Variants in ANKRD28 observed in about 807,000 individuals in gnomAD.
ANKRD28 encodes serine/threonine-protein phosphatase 6 regulatory ankyrin repeat subunit A.
Under a neutral mutation model 126.5 loss-of-function variants are expected in ANKRD28, and 44 were observed. That is an observed-to-expected ratio of 0.35 (90% CI 0.27 to 0.45). The LOEUF is 0.45. Among genes scored for constraint, ANKRD28 ranks in the 20% least tolerant of loss-of-function variants. The pLI, the probability that ANKRD28 is intolerant of heterozygous loss-of-function variation, is 1.00. For synonymous variants in ANKRD28, 442 were observed against 468.5 expected, an observed-to-expected ratio of 0.94 and a Z score of 0.73; for missense variants, 1,110 against 1,316.6, an observed-to-expected ratio of 0.84 and a Z score of 2.43.
intron 6 of ANKRD28, among the ~76,000 whole-genome samples, chr3:15,733,914 T>TATA (rs2074833790): frequency 6.6e-6 from 1 of 152,262 alleles, no homozygotes; most frequent in Admixed American, 6.5e-5. Flanking sequence ...TATCTATAAC[T>TATA]GGTTTGAAAT....
At chr3:15,696,323 A>C in intron 14 of ANKRD28, 78 bp from the exon 15 acceptor site, 1 of 926,134 alleles carries the variant, frequency 1.1e-6, no homozygotes, top group South Asian at 1.7e-5. Flanking sequence ...CTGAAATTAA[A>C]AACTGACAAT....
At chr3:15,701,347 A>T (rs2070576675) in intron 14 of ANKRD28, among the ~76,000 whole-genome samples, 1 of 150,894 alleles carries the variant, frequency 6.6e-6, no homozygotes, top group African/African-American at 2.4e-5. Context: ...CAAGCATAAT[A>T]AAAAAAAGAA....
chr3:15,723,023 G>C (rs774171271), intron 7 of ANKRD28, among the ~76,000 whole-genome samples: 1 of 152,156 alleles, frequency 6.6e-6, no homozygotes, highest in Non-Finnish European at 1.5e-5. Context: ...TGAACAAATA[G>C]TCACCAGAGT....
At position 15,857,199 on chromosome 3, in the gene ANKRD28, A is replaced by G. The variant is rs567353324; in HGVS notation, c.27+2178T>C. Among the ~76,000 whole-genome samples the G allele has an allele frequency of 6.0e-4, 91 of 152,340 alleles. 2 individuals are homozygous for G. In the South Asian group the frequency reaches 0.017, roughly 29 times the overall value. On this transcript the variant is annotated intron_variant, in intron 1 of 27. Coordinates refer to the ANKRD28 transcript ENST00000399451. ...CAAACTTATTTCTCAAAGTCTTCCA[A>G]GAGAGACCAGATGAGCCAATTACTC...
chr3:15,775,521 A>G (rs1027813105), intron 2 of ANKRD28, among the ~76,000 whole-genome samples: 1 of 152,190 alleles, frequency 6.6e-6, no homozygotes, highest in Non-Finnish European at 1.5e-5. Context: ...GCCAGTCCCT[A>G]CTAGTAGGTT....
In ANKRD28 at chr3:15,857,485, A is replaced by G. The variant is rs565667593; in HGVS notation, c.27+1892T>C. On this transcript the variant is annotated intron_variant, in intron 1 of 27. Coordinates refer to the ANKRD28 transcript ENST00000399451. ...TTTTTAAGAGAAACGGGGTTTCACC[A>G]TGTTGGCCAGGCTGGTCTTGAACTC... 7.9e-5 allele frequency among the ~76,000 whole-genome samples: 12 copies of G among 152,304 alleles called. No homozygotes were observed. In the South Asian group the frequency reaches 2.5e-3, roughly 32 times the overall value.
chr3:15,774,984 C>G (rs958354438), intron 2 of ANKRD28, among the ~76,000 whole-genome samples: 1 of 115,896 alleles, frequency 8.6e-6, no homozygotes, highest in Non-Finnish European at 1.7e-5. Flanking sequence ...TCAAGCGATT[C>G]TCCTGCCTCA....
At chr3:15,690,320 T>C (rs1206828859) in intron 17 of ANKRD28, 100 bp from the exon 18 acceptor site, 2 of 997,760 alleles carry the variant, frequency 2.0e-6, no homozygotes, top group African/African-American at 3.3e-5. Context: ...TTCATATTAT[T>C]ATCCTACTTG....
intron 10 of ANKRD28, 139 bp from the exon 11 acceptor site, chr3:15,712,361 A>G (rs6771419): frequency 0.14 from 100,660 of 717,444 alleles, 12,269 homozygotes; most frequent in East Asian, 0.54. Context: ...TAATTTGGTT[A>G]AAGTTTGATG....
Position 15,839,821 on chromosome 3 carries a change from T to C in ANKRD28, c.27+19556A>G, listed in dbSNP as rs2061394856. On this transcript the variant is annotated intron_variant, in intron 1 of 27. Transcript: ENST00000399451. The surrounding 1 kb of genome is among the most constrained non-coding windows in gnomAD (Gnocchi z 4.3). The stretch of plus-strand genomic sequence containing the variant: ...AAAACCACATAGTCATGTCAACTGA[T>C]GCTGAAAAAGCATTTGATAAAATTC... 6.6e-6 allele frequency among the ~76,000 whole-genome samples: 1 copy of C among 152,200 alleles called. No individual in the cohort carries two copies. Among genetic ancestry groups the C allele is most frequent in the Admixed American group, 6.5e-5 (1 of 15,276 alleles).
intron 3 of ANKRD28, among the ~76,000 whole-genome samples, chr3:15,756,883 A>C (rs958485686): frequency 1.3e-5 from 2 of 152,160 alleles, no homozygotes; most frequent in Non-Finnish European, 2.9e-5. Flanking sequence ...TTTTCTCCTA[A>C]TCTAATTGGT....
intron 4 of ANKRD28, among the ~76,000 whole-genome samples, chr3:15,748,573 T>C (rs958198581): frequency 3.3e-5 from 5 of 152,360 alleles, no homozygotes; most frequent in South Asian, 2.1e-4. Context: ...GTTAATCTGA[T>C]AGGTGTTCCT....
rs372891917 is a variant in ANKRD28, at chr3:15,705,546, T to C, written c.1547+2378A>G. 1.1e-4 allele frequency among the ~76,000 whole-genome samples: 16 copies of C among 152,302 alleles called. No individual in the cohort carries two copies. The East Asian group carries it at 2.7e-3, about 26-fold the overall frequency. Reference sequence around the variant, plus strand: ...TTAAGCAAATCAATAAATCAAACCATGAAATTATAAAACTGATAAATTAGG... The same window carrying C: ...TTAAGCAAATCAATAAATCAAACCACGAAATTATAAAACTGATAAATTAGG... On this transcript the variant is annotated intron_variant, in intron 14 of 27. Coordinates refer to ENST00000683139, the MANE Select transcript of ANKRD28 (RefSeq NM_001349278.2).
intron 4 of ANKRD28, among the ~76,000 whole-genome samples, chr3:15,748,691 G>C (rs888296792): frequency 2.6e-5 from 4 of 152,132 alleles, no homozygotes; most frequent in African/African-American, 9.7e-5. Flanking sequence ...TTTCTGTGAT[G>C]AATTTGCCAG....
chr3:15,850,191 A>T lies in ANKRD28; in HGVS notation c.27+9186T>A, dbSNP rs1436362518. ...GGACAACTGGGTATCTACATGCAAT[A>T]AAAAAAAAAAAAAATATATATATAT... On this transcript the variant is annotated intron_variant, in intron 1 of 27. Coordinates refer to the ANKRD28 transcript ENST00000399451. 8.1e-3 allele frequency among the ~76,000 whole-genome samples: 158 copies of T among 19,512 alleles called. 2 individuals are homozygous for T. Among genetic ancestry groups the T allele is most frequent in the African/African-American group, 0.036 (134 of 3,726 alleles). The allele number at this position is 19,512 out of a possible 152,430, so 12.8% of individuals were successfully genotyped here. A position where few individuals can be genotyped will look rare whatever the true frequency, so the allele number is the denominator to read the frequency against.
At chr3:15,798,247 A>G, upstream of ANKRD28, 1 of 812,798 alleles carries the variant, frequency 1.2e-6, no homozygotes, top group Non-Finnish European at 1.5e-6. Context: ...AATAAAGCAA[A>G]TGTTTAACCC....
At chr3:15,842,552 A>C (rs1000672507) in intron 1 of ANKRD28, among the ~76,000 whole-genome samples, 20 of 152,218 alleles carry the variant, frequency 1.3e-4, no homozygotes, top group African/African-American at 4.3e-4. Context: ...AAAATAATTT[A>C]AATGAACATT....
At chr3:15,715,898 A>T (rs1343553713) in intron 8 of ANKRD28, among the ~76,000 whole-genome samples, 2 of 152,184 alleles carry the variant, frequency 1.3e-5, no homozygotes, top group African/African-American at 2.4e-5. Flanking sequence ...GCAAAAAAGC[A>T]TCTTGGCAAA....
Position 15,735,411 on chromosome 3 carries a change from C to A in ANKRD28, c.639G>T (p.Met213Ile). Residue 213 changes from methionine (M) to isoleucine (I), a missense_variant and splice_region_variant, in exon 6 of 28, where the codon ATG becomes ATT. Coordinates refer to ENST00000683139, the MANE Select transcript of ANKRD28 (RefSeq NM_001349278.2). Reference sequence around the variant, plus strand: ...AAACTAAATTTAAAAAGTACATACCCATATATGCTGCCCAATGGATAGCAC... The same window carrying A: ...AAACTAAATTTAAAAAGTACATACCAATATATGCTGCCCAATGGATAGCAC... ...DRRAIHWAAY[M>I]GHIEVVKLLV... is the part of the protein sequence containing the mutation. The A allele has an allele frequency of 6.4e-7, 1 of 1,552,238 alleles. No individual in the cohort carries two copies.
Sources: gnomAD v4.1 joint callset for allele counts (sites outside exome capture counted in the v4.1 genomes callset) on GRCh38, gnomAD v4.1.1 for gene constraint, Gnocchi (gnomAD v3.1) non-coding constraint, MANE v1.5 for transcripts, NCBI Gene and HGNC (gene_info 2026-07-23, HGNC 2026-07-21) for gene names.